RNF13: variants seen among roughly 807,000 people sequenced by gnomAD.
The protein encoded by RNF13 is ring finger protein 13.
A neutral mutation model predicts 37.7 loss-of-function variants in RNF13; 19 were observed. That is an observed-to-expected ratio of 0.50 (90% CI 0.35 to 0.74). RNF13 has a LOEUF of 0.74. Ranked by LOEUF, RNF13 falls within the 30% of genes least tolerant of loss-of-function variation. The probability of loss-of-function intolerance (pLI) is 0.01; values close to 1 mark genes in which losing one functional copy is unlikely to be tolerated. For synonymous variants in RNF13, 144 were observed against 157.8 expected (o/e 0.91, Z 0.65); for missense variants, 375 against 453.0 (o/e 0.83, Z 1.56).
At chr3:149,921,255 C>A in intron 8 of RNF13, 28 bp downstream of exon 8, 1 of 1,114,710 alleles carries the variant, frequency 9.0e-7, no homozygotes, top group South Asian at 2.2e-5. Context: ...AAATAATTAT[C>A]CTTAGTTTAT....
chr3:149,881,580 C>T (rs372214695), intron 4 of RNF13, among the ~76,000 whole-genome samples: 65 of 152,284 alleles, frequency 4.3e-4, no homozygotes, highest in African/African-American at 1.5e-3. Context: ...ATCCACCCAC[C>T]TCGGCCTTCC....
chr3:149,848,664 G>A (rs1722862239), intron 2 of RNF13, among the ~76,000 whole-genome samples: 1 of 152,154 alleles, frequency 6.6e-6, no homozygotes, highest in Non-Finnish European at 1.5e-5. Flanking sequence ...TTAAGTTTTA[G>A]TTATGCTATT....
intron 1 of RNF13, among the ~76,000 whole-genome samples, chr3:149,840,946 A>G (rs1461030056): frequency 6.6e-6 from 1 of 152,248 alleles, no homozygotes; most frequent in Non-Finnish European, 1.5e-5. Flanking sequence ...CTCAGCATAC[A>G]AAAGTGTCAC....
intron 4 of RNF13, among the ~76,000 whole-genome samples, chr3:149,889,796 A>G (rs1427977540): frequency 6.6e-6 from 1 of 151,880 alleles, no homozygotes; most frequent in Non-Finnish European, 1.5e-5. Flanking sequence ...CTAGGACTAC[A>G]GGCGTGCACC....
intron 3 of RNF13, among the ~76,000 whole-genome samples, chr3:149,861,655 A>C (rs1168186461): frequency 2.6e-5 from 4 of 152,142 alleles, no homozygotes; most frequent in Admixed American, 2.6e-4. Context: ...GGAGATGAAG[A>C]AAGGTTGGTC....
intron 5 of RNF13, among the ~76,000 whole-genome samples, chr3:149,898,808 A>G (rs1314294377): frequency 6.6e-6 from 1 of 152,210 alleles, no homozygotes; most frequent in Non-Finnish European, 1.5e-5. Flanking sequence ...TATGAAGAAA[A>G]ATATCAGCAT....
chr3:149,902,895 A>T (rs986898190), intron 6 of RNF13, among the ~76,000 whole-genome samples: 4 of 152,172 alleles, frequency 2.6e-5, no homozygotes, highest in Non-Finnish European at 5.9e-5. Context: ...CACTCATGAA[A>T]GCAAGACTTC....
At chr3:149,950,873 G>C (rs545259863) in intron 8 of RNF13, among the ~76,000 whole-genome samples, 1 of 152,112 alleles carries the variant, frequency 6.6e-6, no homozygotes, top group Non-Finnish European at 1.5e-5. Flanking sequence ...GATGGCTGGC[G>C]GGAGCTGGAG....
Position 149,866,713 on chromosome 3 carries a change from C to G in RNF13, c.196-5316C>G, listed in dbSNP as rs980202821. Among the ~76,000 whole-genome samples the G allele has an allele frequency of 1.6e-4, 25 of 152,194 alleles. 1 individual carries two copies. The East Asian group carries it at 3.3e-3, about 20-fold the overall frequency. ...CTCTTAATACTGCTTTTGCTGTATC[C>G]CATATATTTTAGTATGTAGTAGTTT... On this transcript the variant is annotated intron_variant, in intron 3 of 9. Transcript: ENST00000392894.
At chr3:149,897,488 A>G (rs575907380) in intron 5 of RNF13, among the ~76,000 whole-genome samples, 7 of 152,338 alleles carry the variant, frequency 4.6e-5, no homozygotes, top group African/African-American at 1.7e-4. Flanking sequence ...CCTAAAGAAA[A>G]TATGTTCAAT....
intron 4 of RNF13, among the ~76,000 whole-genome samples, chr3:149,885,829 C>T (rs1713962203): frequency 6.6e-6 from 1 of 152,082 alleles, no homozygotes; most frequent in South Asian, 2.1e-4. Flanking sequence ...TGGAGATTTT[C>T]CCCAATGTTT....
rs1279352097 is a variant in RNF13 at position 149,813,278 on chromosome 3, T to G, written c.-92T>G. On this transcript the variant is annotated 5_prime_UTR_variant, in exon 1 of 10. The change abolishes an upstream ATG in the 5' untranslated region. Transcript: ENST00000392894. ...GGGGGTCGGTGCGGATATTCAGTCA[T>G]GAAATCAGGGTAGGGACTTCTCCCG... 3 of 152,252 alleles carry G rather than the reference T, an allele frequency of 2.0e-5. No homozygotes were observed. The highest frequency in any genetic ancestry group is 2.9e-5 in the Non-Finnish European group (2 of 68,116). The allele number at this position is 152,252 out of a possible 1,614,324, so 9.4% of individuals were successfully genotyped here.
At chr3:149,937,561 C>T (rs1256677841) in intron 8 of RNF13, among the ~76,000 whole-genome samples, 1 of 152,090 alleles carries the variant, frequency 6.6e-6, no homozygotes, top group Non-Finnish European at 1.5e-5. Flanking sequence ...ACTCAGATTG[C>T]TTCTACTCTG....
rs1440959464 is a variant in RNF13 at position 149,846,152 on chromosome 3, A to G, written c.114+12A>G. On this transcript the variant is annotated intron_variant, in intron 2 of 9. Transcript: ENST00000392894. ...CAGACATTTTAGCAGTAAGTACAGT[A>G]AAATTTATTCATGTCTAGAAACATC... 1 of 1,519,102 alleles carries G rather than the reference A, an allele frequency of 6.6e-7. No individual in the cohort carries two copies. Among genetic ancestry groups the G allele is most frequent in the Admixed American group, 1.7e-5 (1 of 57,854 alleles). The allele number at this position is 1,519,102 out of a possible 1,614,324, so 94.1% of individuals were successfully genotyped here.
intron 1 of RNF13, among the ~76,000 whole-genome samples, chr3:149,835,217 AG>A (rs1359993423): frequency 2.0e-5 from 3 of 152,236 alleles, no homozygotes; most frequent in Non-Finnish European, 4.4e-5. Context: ...CAGTACCAAC[AG>A]GGTGAAAAAA....
chr3:149,891,169 G>A (rs775554818), intron 4 of RNF13, among the ~76,000 whole-genome samples: 6 of 152,156 alleles, frequency 3.9e-5, no homozygotes, highest in Non-Finnish European at 5.9e-5. Context: ...GCCTAAGTGT[G>A]ACCTTAGGGT....
intron 6 of RNF13, 61 bp downstream of exon 6, chr3:149,902,223 TATATA>T: frequency 1.3e-6 from 1 of 742,760 alleles, no homozygotes; most frequent in Non-Finnish European, 2.2e-6. Flanking sequence ...AAGGTAGAAT[TATATA>T]ATATTGTAAT....
intron 4 of RNF13, among the ~76,000 whole-genome samples, chr3:149,886,083 T>G (rs1456112952): frequency 2.0e-5 from 3 of 152,204 alleles, no homozygotes; most frequent in African/African-American, 7.2e-5. Context: ...TCTGTTCCAT[T>G]GTTCTGTGTA....
chr3:149,926,538 A>T (rs1439531586), intron 8 of RNF13, among the ~76,000 whole-genome samples: 2 of 152,166 alleles, frequency 1.3e-5, no homozygotes, highest in African/African-American at 4.8e-5. Context: ...TACGTTTTCT[A>T]TCCCAAGATC....
Sources: allele counts gnomAD v4.1 joint callset (sites outside exome capture counted in the v4.1 genomes callset), GRCh38; gene constraint gnomAD v4.1.1; transcripts MANE v1.5; gene names NCBI Gene and HGNC (gene_info 2026-07-23, HGNC 2026-07-21).